FOXN3: variants seen among roughly 807,000 people sequenced by gnomAD.
The protein encoded by FOXN3 is forkhead box protein N3.
In FOXN3, 7 loss-of-function variants were observed where a neutral mutation model predicts 38.4. The observed-to-expected ratio is 0.18, with a 90% CI of 0.10 to 0.34. FOXN3 has a LOEUF of 0.34. FOXN3 is among the 10% of genes least tolerant of loss of function. The pLI is 1.00. For synonymous variants in FOXN3, 230 were observed against 242.2 expected, an observed-to-expected ratio of 0.95 and a Z score of 0.47; for missense variants, 456 against 613.4, an observed-to-expected ratio of 0.74 and a Z score of 2.71.
rs549220357 is a variant in FOXN3 at position 89,281,115 on chromosome 14, T to C, written c.681-101A>G. 2.9e-6 allele frequency: 3 copies of C among 1,030,600 alleles called. No homozygotes were observed. In the East Asian group the frequency reaches 7.6e-5, roughly 26 times the overall value. The allele number at this position is 1,030,600 out of a possible 1,614,324, so 63.8% of individuals were successfully genotyped here. On this transcript the variant is annotated intron_variant, in intron 3 of 5. Transcript: ENST00000557258. ...CTCAAAACATTTCCCCAAGTATGCATTACTGACACCCTTTGAAAATGCATC... is the reference window on the plus strand; with the variant it reads ...CTCAAAACATTTCCCCAAGTATGCACTACTGACACCCTTTGAAAATGCATC...
At chr14:89,269,233 G>C (rs990438039) in intron 4 of FOXN3, among the ~76,000 whole-genome samples, 3 of 152,140 alleles carry the variant, frequency 2.0e-5, no homozygotes, top group African/African-American at 7.2e-5. Flanking sequence ...CACAGCCTAC[G>C]GAAAGAGGGG....
chr14:89,584,139 A>G (rs1392466811), intron 1 of FOXN3, among the ~76,000 whole-genome samples: 1 of 150,654 alleles, frequency 6.6e-6, no homozygotes, highest in Non-Finnish European at 1.5e-5. Context: ...GATTACAGGT[A>G]TGAGCCACCA....
At chr14:89,215,753 G>A (rs1211667250) in intron 4 of FOXN3, among the ~76,000 whole-genome samples, 1 of 152,212 alleles carries the variant, frequency 6.6e-6, no homozygotes, top group Non-Finnish European at 1.5e-5. Flanking sequence ...TGGCAGTCAG[G>A]AGAATTTGTT....
intron 1 of FOXN3, among the ~76,000 whole-genome samples, chr14:89,570,610 G>A (rs984483559): frequency 1.3e-5 from 2 of 152,090 alleles, no homozygotes; most frequent in Non-Finnish European, 2.9e-5. Context: ...AATGGCATGC[G>A]GCTCAGGACG....
chr14:89,403,332 G>A (rs1021771345), intron 2 of FOXN3, among the ~76,000 whole-genome samples: 8 of 152,150 alleles, frequency 5.3e-5, no homozygotes, highest in African/African-American at 1.4e-4. Context: ...AGAGTAGCTG[G>A]GACTACAGGC....
chr14:89,480,863 A>T (rs1039402378), intron 1 of FOXN3, among the ~76,000 whole-genome samples: 19 of 152,124 alleles, frequency 1.2e-4, no homozygotes, highest in African/African-American at 4.1e-4. Context: ...TTTAGAAACC[A>T]TATGTATAAT....
intron 3 of FOXN3, chr14:89,291,648 C>A (rs1886876439): frequency 2.1e-6 from 1 of 465,538 alleles, no homozygotes; most frequent in Non-Finnish European, 4.2e-6. Flanking sequence ...TGTGGCCGGC[C>A]ACTCATGCTC....
chr14:89,268,789 C>T (rs144811804), intron 4 of FOXN3, among the ~76,000 whole-genome samples: 1 of 152,298 alleles, frequency 6.6e-6, no homozygotes, highest in Non-Finnish European at 1.5e-5. Context: ...TGGCACCTCC[C>T]ATTTGGAATC....
At chr14:89,492,470 G>A (rs908734532) in intron 1 of FOXN3, among the ~76,000 whole-genome samples, 1 of 152,112 alleles carries the variant, frequency 6.6e-6, no homozygotes, top group African/African-American at 2.4e-5. Flanking sequence ...CCCAAGGTCC[G>A]CACCTATAAT....
chr14:89,540,463 G>A (rs544079308), intron 1 of FOXN3, among the ~76,000 whole-genome samples: 4 of 152,280 alleles, frequency 2.6e-5, no homozygotes, highest in Admixed American at 6.5e-5. Context: ...GGCTGGGCAC[G>A]GTGACTCACG....
At chr14:89,381,293 T>C (rs566619933) in intron 2 of FOXN3, among the ~76,000 whole-genome samples, 2 of 152,196 alleles carry the variant, frequency 1.3e-5, no homozygotes, top group South Asian at 4.1e-4. Flanking sequence ...CTGTGGACTA[T>C]GTACTCCCAG....
At chr14:89,390,556 C>G (rs58701359) in intron 2 of FOXN3, among the ~76,000 whole-genome samples, 1 of 148,638 alleles carries the variant, frequency 6.7e-6, no homozygotes, top group Non-Finnish European at 1.5e-5. Flanking sequence ...TTCAAACTGA[C>G]GAGCAGTATC....
At chr14:89,195,390 G>A (rs1228293476) in intron 4 of FOXN3, among the ~76,000 whole-genome samples, 1 of 152,212 alleles carries the variant, frequency 6.6e-6, no homozygotes, top group Non-Finnish European at 1.5e-5. Context: ...ATTTTCTGTG[G>A]TCAAGAGAGA....
intron 1 of FOXN3, among the ~76,000 whole-genome samples, chr14:89,427,003 G>A (rs1248365241): frequency 8.6e-5 from 13 of 151,706 alleles, no homozygotes; most frequent in Admixed American, 8.5e-4. Context: ...AAACCGAGGC[G>A]GGTGGATCAC....
intron 2 of FOXN3, among the ~76,000 whole-genome samples, chr14:89,368,959 C>A (rs1890233416): frequency 6.6e-6 from 1 of 152,186 alleles, no homozygotes; most frequent in Non-Finnish European, 1.5e-5. Flanking sequence ...CCTGGCTGAA[C>A]AAACACTTTA....
intron 1 of FOXN3, among the ~76,000 whole-genome samples, chr14:89,413,988 A>G (rs983203528): frequency 4.1e-5 from 6 of 144,718 alleles, no homozygotes; most frequent in Non-Finnish European, 9.0e-5. Flanking sequence ...GGAGGAGGAG[A>G]AGAAGGAGGA....
At chr14:89,223,311 C>T (rs1884528658) in intron 4 of FOXN3, 1 of 152,328 alleles carries the variant, frequency 6.6e-6, no homozygotes, top group South Asian at 2.1e-4. Context: ...CAGGTGCAGA[C>T]CACGGGCTGT....
intron 1 of FOXN3, among the ~76,000 whole-genome samples, chr14:89,566,843 C>A (rs1259214603): frequency 6.6e-6 from 1 of 151,906 alleles, no homozygotes; most frequent in Non-Finnish European, 1.5e-5. Flanking sequence ...CCTCCTCCTC[C>A]TCCACCTCCT....
At chr14:89,225,785 ACT>A (rs1483551649) in intron 4 of FOXN3, among the ~76,000 whole-genome samples, 2 of 152,044 alleles carry the variant, frequency 1.3e-5, no homozygotes, top group East Asian at 3.9e-4. Flanking sequence ...AGCTTTCACA[ACT>A]CTGTTAGGAT....
Sources: allele counts gnomAD v4.1 joint callset (sites outside exome capture counted in the v4.1 genomes callset), GRCh38; gene constraint gnomAD v4.1.1; transcripts MANE v1.5; gene names NCBI Gene and HGNC (gene_info 2026-07-23, HGNC 2026-07-21).